The following CORIN variants were observed in gnomAD, a reference collection of about 807,000 sequenced individuals.
CORIN encodes the protein corin, serine peptidase.
In CORIN, 117 loss-of-function variants were observed where a neutral mutation model predicts 125.3. The ratio of observed to expected loss-of-function variants is 0.93; its 90% CI spans 0.80 to 1.09. The LOEUF is 1.09. CORIN is among the 50% of genes least tolerant of loss of function. The probability of loss-of-function intolerance (pLI) is 0.00; values close to 1 mark genes in which losing one functional copy is unlikely to be tolerated. For missense variants in CORIN, 1,253 were observed against 1,306.7 expected (o/e 0.96, Z 0.63); for synonymous variants, 450 against 466.4 (o/e 0.96, Z 0.45).
At chr4:47,706,232 A>G in intron 5 of CORIN, 1 of 608,256 alleles carries the variant, frequency 1.6e-6, no homozygotes, top group Non-Finnish European at 2.9e-6. Context: ...CCAGATTGAA[A>G]TGAAATTCTT....
chr4:47,630,025 C>T (rs893666476), intron 16 of CORIN, among the ~76,000 whole-genome samples: 39 of 152,082 alleles, frequency 2.6e-4, no homozygotes, highest in African/African-American at 8.9e-4. Context: ...GACAGCACAC[C>T]ATGTTCTTTT....
intron 19 of CORIN, among the ~76,000 whole-genome samples, chr4:47,623,096 C>CTA (rs1553904935): frequency 0.026 from 2,674 of 102,176 alleles, 57 homozygotes; most frequent in African/African-American, 0.031. Flanking sequence ...CTCTCTCTCT[C>CTA]TATATATATA....
chr4:47,786,048 T>C (rs549490382), intron 3 of CORIN, among the ~76,000 whole-genome samples: 1 of 152,204 alleles, frequency 6.6e-6, no homozygotes, highest in South Asian at 2.1e-4. Context: ...TCAAAATAAG[T>C]AACTTAAAAC....
chr4:47,665,343 C>T lies in CORIN; in HGVS notation c.1358-80G>A, dbSNP rs1394672127. ...TCTTTAAGTTTTACAAACTTGAAGT[C>T]TATTTTATTCTTTCTTTAGAGTAGC... On this transcript the variant is annotated intron_variant, in intron 10 of 21. Coordinates refer to ENST00000273857, the MANE Select transcript of CORIN (RefSeq NM_006587.4). 12 of 992,612 alleles carry T rather than the reference C, an allele frequency of 1.2e-5. No individual in the cohort carries two copies. The East Asian group carries it at 3.0e-4, about 25-fold the overall frequency. The allele number at this position is 992,612 out of a possible 1,614,324, so 61.5% of individuals were successfully genotyped here. A position where few individuals can be genotyped will look rare whatever the true frequency, so the allele number is the denominator to read the frequency against.
intron 1 of CORIN, among the ~76,000 whole-genome samples, chr4:47,810,952 C>A (rs1732036389): frequency 6.6e-6 from 1 of 152,156 alleles, no homozygotes. Flanking sequence ...GGTATTCTTC[C>A]AGGGTTTGTG....
At chr4:47,639,375 A>G (rs1323812397) in intron 16 of CORIN, among the ~76,000 whole-genome samples, 4 of 152,100 alleles carry the variant, frequency 2.6e-5, no homozygotes, top group Non-Finnish European at 4.4e-5. Context: ...GTTTACCTAC[A>G]TGTCTTCCCC....
At chr4:47,808,026 G>A (rs1283338044) in intron 1 of CORIN, among the ~76,000 whole-genome samples, 1 of 152,188 alleles carries the variant, frequency 6.6e-6, no homozygotes, top group East Asian at 1.9e-4. Context: ...TCCTTTCAGA[G>A]TTACACTACA....
chr4:47,616,522 G>C (rs564477635), intron 19 of CORIN, among the ~76,000 whole-genome samples: 1 of 152,270 alleles, frequency 6.6e-6, no homozygotes, highest in South Asian at 2.1e-4. Context: ...TGTTATTTTA[G>C]AAGAAAATGA....
chr4:47,663,699 G>A (rs1724348059), intron 11 of CORIN, among the ~76,000 whole-genome samples: 1 of 152,092 alleles, frequency 6.6e-6, no homozygotes, highest in Non-Finnish European at 1.5e-5. Context: ...AAAGTCAAAT[G>A]CCAGAAATTG....
intron 11 of CORIN, among the ~76,000 whole-genome samples, chr4:47,662,131 A>G (rs1214032536): frequency 6.6e-6 from 1 of 152,210 alleles, no homozygotes; most frequent in African/African-American, 2.4e-5. Context: ...TCCCTTCTCT[A>G]CACTGCCTTT....
intron 19 of CORIN, among the ~76,000 whole-genome samples, chr4:47,605,144 T>A (rs1008475894): frequency 6.6e-6 from 1 of 152,192 alleles, no homozygotes; most frequent in African/African-American, 2.4e-5. Context: ...CCAGCCAACC[T>A]GTCTCACCCT....
chr4:47,673,179 A>AAAAT (rs66990449), intron 10 of CORIN, among the ~76,000 whole-genome samples: 5,624 of 142,766 alleles, frequency 0.039, 127 homozygotes, highest in Non-Finnish European at 0.052. Context: ...TCTTTACCAA[A>AAAAT]AAATAAATAA....
intron 7 of CORIN, chr4:47,681,578 T>A (rs1725280570): frequency 6.6e-6 from 1 of 152,310 alleles, no homozygotes; most frequent in Non-Finnish European, 1.5e-5. Context: ...AAGGGAAGGG[T>A]TGAATCTGAT....
chr4:47,779,294 G>C (rs1730432544), intron 3 of CORIN, among the ~76,000 whole-genome samples: 1 of 152,046 alleles, frequency 6.6e-6, no homozygotes, highest in African/African-American at 2.4e-5. Context: ...TCCTTAACGG[G>C]TAAGAGATTT....
chr4:47,654,126 A>T (rs1396003655), intron 12 of CORIN, among the ~76,000 whole-genome samples: 15 of 152,254 alleles, frequency 9.9e-5, no homozygotes, highest in Non-Finnish European at 2.9e-5. Flanking sequence ...CTTTGCCTTC[A>T]GGATCACTAG....
intron 5 of CORIN, among the ~76,000 whole-genome samples, chr4:47,733,415 T>C (rs923851510): frequency 2.0e-5 from 3 of 152,244 alleles, no homozygotes; most frequent in African/African-American, 7.2e-5. Flanking sequence ...AAATTCGGAC[T>C]ATGTGTTTTA....
At chr4:47,625,452 G>A (rs1215946223) in intron 17 of CORIN, among the ~76,000 whole-genome samples, 2 of 152,018 alleles carry the variant, frequency 1.3e-5, no homozygotes, top group African/African-American at 4.8e-5. Context: ...TACTTGACCT[G>A]AAAGGTTTTT....
intron 4 of CORIN, among the ~76,000 whole-genome samples, chr4:47,760,291 T>A (rs1275356395): frequency 2.0e-5 from 3 of 152,212 alleles, no homozygotes; most frequent in African/African-American, 7.2e-5. Context: ...GTAGTAATAT[T>A]TTAAAAGAAA....
intron 5 of CORIN, chr4:47,706,921 T>C: frequency 1.2e-5 from 19 of 1,599,376 alleles, no homozygotes; most frequent in Admixed American, 8.3e-5. Context: ...TCCACCACAC[T>C]ATTTGTGGTT....
Sources: gnomAD v4.1 joint callset for allele counts (sites outside exome capture counted in the v4.1 genomes callset) on GRCh38, gnomAD v4.1.1 for gene constraint, MANE v1.5 for transcripts, NCBI Gene and HGNC (gene_info 2026-07-23, HGNC 2026-07-21) for gene names.